Variants in ANKMY1 observed in about 807,000 individuals in gnomAD.
ANKMY1 encodes ankyrin repeat and MYND domain-containing protein 1.
ANKMY1 carries 98 observed loss-of-function variants against 102.0 expected under a neutral mutation model. That is an observed-to-expected ratio of 0.96 (90% CI 0.82 to 1.14). ANKMY1 has a LOEUF of 1.14. Ranked by LOEUF, ANKMY1 falls within the 50% of genes most tolerant of loss-of-function variation. ANKMY1 has a pLI of 0.00. For synonymous variants in ANKMY1, 582 were observed against 559.9 expected, an observed-to-expected ratio of 1.04 and a Z score of -0.56; for missense variants, 1,330 against 1,347.6, an observed-to-expected ratio of 0.99 and a Z score of 0.20.
chr2:240,509,524 A>C (rs2079731516), intron 11 of ANKMY1, 69 bp from the exon 12 acceptor site: 2 of 1,070,978 alleles, frequency 1.9e-6, no homozygotes, highest in Non-Finnish European at 2.7e-6. Flanking sequence ...GGTAGTCATT[A>C]ATTTAAATGC....
intron 4 of ANKMY1, among the ~76,000 whole-genome samples, chr2:240,546,219 GA>G (rs1575324854): frequency 6.6e-6 from 1 of 152,018 alleles, no homozygotes; most frequent in East Asian, 1.9e-4. Context: ...CATTCTTAAA[GA>G]AAAGAATTTT....
rs151053843 is a variant in ANKMY1 at position 240,497,100 on chromosome 2, G to A, written c.2806+2858C>T. ...GGAAGCTGAGGATAAGAATGGAGCCGCCACCTCCTCGCCATCTTGGAAGCT... is the reference window on the plus strand; with the variant it reads ...GGAAGCTGAGGATAAGAATGGAGCCACCACCTCCTCGCCATCTTGGAAGCT... On this transcript the variant is annotated intron_variant, in intron 15 of 17. Transcript: ENST00000401804. 8.2e-4 allele frequency among the ~76,000 whole-genome samples: 124 copies of A among 151,546 alleles called. 2 individuals carry two copies. Among genetic ancestry groups the A allele is most frequent in the African/African-American group, 2.7e-3 (111 of 41,316 alleles).
intron 4 of ANKMY1, among the ~76,000 whole-genome samples, chr2:240,539,973 G>A (rs1378379172): frequency 2.0e-5 from 3 of 152,156 alleles, no homozygotes; most frequent in Non-Finnish European, 4.4e-5. Context: ...CCAGAAGGCT[G>A]ACAAAACAGA....
chr2:240,538,595 C>T (rs768906413), intron 4 of ANKMY1, among the ~76,000 whole-genome samples: 6 of 152,168 alleles, frequency 3.9e-5, no homozygotes, highest in Non-Finnish European at 7.3e-5. Flanking sequence ...CCCCGACAGG[C>T]GCCGCCCCCT....
rs1163305756 is a variant in ANKMY1 at position 240,520,913 on chromosome 2, C to T, written c.1833-380G>A. Among the ~76,000 whole-genome samples, 2 of 151,684 alleles carry T rather than the reference C, an allele frequency of 1.3e-5. No individual in the cohort carries two copies. Among genetic ancestry groups the T allele is most frequent in the African/African-American group, 4.9e-5 (2 of 41,214 alleles). ...CACACCACACACCAGAGCACACAAACCACACTACACATACAGCACACAACC... is the reference window on the plus strand; with the variant it reads ...CACACCACACACCAGAGCACACAAATCACACTACACATACAGCACACAACC... On this transcript the variant is annotated intron_variant, in intron 8 of 17. Transcript: ENST00000401804. The surrounding 1 kb of genome is among the most constrained non-coding windows in gnomAD (Gnocchi z 4.8).
chr2:240,507,783 C>A (rs1279421868), intron 12 of ANKMY1, 92 bp from the exon 13 acceptor site: 81 of 1,426,350 alleles, frequency 5.7e-5, no homozygotes, highest in Non-Finnish European at 6.5e-5. Context: ...CCAGAACTAA[C>A]CCCTGAAAGC....
chr2:240,515,514 G>C (rs970450567), intron 9 of ANKMY1, among the ~76,000 whole-genome samples: 2 of 151,794 alleles, frequency 1.3e-5, no homozygotes, highest in Admixed American at 1.3e-4. Flanking sequence ...CAGCTTGGGC[G>C]ACAGAGTGAG....
At chr2:240,513,654 G>A (rs761595829) in intron 9 of ANKMY1, among the ~76,000 whole-genome samples, 7 of 152,248 alleles carry the variant, frequency 4.6e-5, no homozygotes, top group East Asian at 1.9e-4. Flanking sequence ...GAGAGCAGCC[G>A]GGTGTGCCCA....
In ANKMY1 at chr2:240,506,191, T is replaced by C. The variant is rs1181226200; in HGVS notation, c.2526+1369A>G. Among the ~76,000 whole-genome samples, 1 of 152,192 alleles carries C rather than the reference T, an allele frequency of 6.6e-6. No individual in the cohort carries two copies. The highest frequency in any genetic ancestry group is 2.1e-4 in the South Asian group (1 of 4,832). On this transcript the variant is annotated intron_variant, in intron 13 of 17. Coordinates refer to ENST00000401804, the MANE Select transcript of ANKMY1 (RefSeq NM_001282771.3). The surrounding 1 kb of genome is among the most constrained non-coding windows in gnomAD (Gnocchi z 4.9). ...ACCCCGGACGAAGGACTATTCTGTATGTTCAAGGCACATTCAGCGTCCACA... is the reference window on the plus strand; with the variant it reads ...ACCCCGGACGAAGGACTATTCTGTACGTTCAAGGCACATTCAGCGTCCACA...
intron 2 of ANKMY1, 111 bp downstream of exon 2, chr2:240,557,079 C>T: frequency 8.2e-7 from 1 of 1,214,206 alleles, no homozygotes; most frequent in Non-Finnish European, 1.1e-6. Context: ...AAACTAGTTT[C>T]TCAGGGAGTA....
chr2:240,532,136 C>T, intron 4 of ANKMY1: 1 of 466,288 alleles, frequency 2.1e-6, no homozygotes. Context: ...CACATTGAAA[C>T]TGTAGAAAAC....
chr2:240,481,027 A>C lies in ANKMY1; in HGVS notation c.2956T>G (p.Cys986Gly), dbSNP rs2075320438. Residue 986 changes from cysteine to glycine, a missense_variant, in exon 17 of 18, where the codon TGC becomes GGC. Cys to Gly is a radical substitution (Grantham distance 159, BLOSUM62 -3). Transcript: ENST00000401804. ...TTGCTGCAGGTCAGGATCCCGTAGC[A>C]GCGAGGGCAGGGCAAGAGGCGGACC... ...IGVRLLPCPRCYGILTCSKYC... is the reference protein window; with the variant it reads ...IGVRLLPCPRGYGILTCSKYC... The C allele has an allele frequency of 1.2e-6, 2 of 1,613,876 alleles. No individual in the cohort carries two copies. Among genetic ancestry groups the C allele is most frequent in the Non-Finnish European group, 1.7e-6 (2 of 1,179,896 alleles).
intron 4 of ANKMY1, among the ~76,000 whole-genome samples, chr2:240,532,938 C>T (rs995137315): frequency 1.1e-4 from 17 of 152,192 alleles, no homozygotes; most frequent in Non-Finnish European, 4.4e-5. Flanking sequence ...GAACCCCTGG[C>T]CTCAAGCGAT....
rs948565852 is a variant in ANKMY1, at chr2:240,529,806, C to T, written c.481-297G>A. Among the ~76,000 whole-genome samples, 12 of 152,096 alleles carry T rather than the reference C, an allele frequency of 7.9e-5. No individual in the cohort carries two copies. The highest frequency in any genetic ancestry group is 1.8e-4 in the Non-Finnish European group (12 of 68,030). Reference sequence around the variant, plus strand: ...CATGATGGAAGTCTCATGGTGAAAGCGTGTCAGAGGTACCAGGTCTGGGTT... The same window carrying T: ...CATGATGGAAGTCTCATGGTGAAAGTGTGTCAGAGGTACCAGGTCTGGGTT... On this transcript the variant is annotated intron_variant, in intron 4 of 17. Transcript: ENST00000401804. The surrounding 1 kb of genome is among the most constrained non-coding windows in gnomAD (Gnocchi z 4.2).
At chr2:240,560,801 G>C (rs1559407772), upstream of ANKMY1, 3 of 1,444,358 alleles carry the variant, frequency 2.1e-6, no homozygotes, top group Non-Finnish European at 2.7e-6. Context: ...CGGAGGAGCA[G>C]CTGGCGCGCG....
At chr2:240,523,761 T>C in intron 8 of ANKMY1, 124 bp downstream of exon 8, 1 of 1,417,998 alleles carries the variant, frequency 7.1e-7, no homozygotes, top group Non-Finnish European at 9.4e-7. Context: ...TGCTCACACA[T>C]TCAGACACAC....
At chr2:240,497,951 G>T (rs2077482094) in intron 15 of ANKMY1, among the ~76,000 whole-genome samples, 1 of 152,192 alleles carries the variant, frequency 6.6e-6, no homozygotes, top group African/African-American at 2.4e-5. Flanking sequence ...TCCCTGCCTG[G>T]TCCTCCGCTC....
chr2:240,528,836 C>T (rs1275168984), intron 5 of ANKMY1, among the ~76,000 whole-genome samples: 2 of 152,150 alleles, frequency 1.3e-5, no homozygotes, highest in Non-Finnish European at 2.9e-5. Flanking sequence ...GCCCCAGGAC[C>T]CGGCCTGCCT....
chr2:240,508,419 C>T (rs2079488287), intron 12 of ANKMY1, among the ~76,000 whole-genome samples: 1 of 152,266 alleles, frequency 6.6e-6, no homozygotes, highest in African/African-American at 2.4e-5. Flanking sequence ...GCAGAAGCAC[C>T]TGGAAGCCCC....
Sources: allele counts gnomAD v4.1 joint callset (sites outside exome capture counted in the v4.1 genomes callset), GRCh38; gene constraint gnomAD v4.1.1; non-coding constraint Gnocchi (gnomAD v3.1); transcripts MANE v1.5; gene names NCBI Gene and HGNC (gene_info 2026-07-23, HGNC 2026-07-21).